Variants in CCDC59 observed in about 807,000 individuals in gnomAD.
CCDC59 encodes thyroid transcription factor 1-associated protein 26.
CCDC59 carries 27 observed loss-of-function variants against 30.5 expected under a neutral mutation model. The ratio of observed to expected loss-of-function variants is 0.89; its 90% CI spans 0.65 to 1.22. CCDC59 has a LOEUF of 1.22. Ranked by LOEUF, CCDC59 falls within the 50% of genes most tolerant of loss-of-function variation. The pLI is 0.00. For synonymous variants in CCDC59, 125 were observed against 100.9 expected (o/e 1.24, Z -1.43); for missense variants, 362 against 284.4 (o/e 1.27, Z -1.96).
At position 82,358,360 on chromosome 12, in the gene CCDC59, C is replaced by G; in HGVS notation, c.17G>C (p.Arg6Pro). 1 of 1,613,660 alleles carries G rather than the reference C, an allele frequency of 6.2e-7. No homozygotes were observed. The highest frequency in any genetic ancestry group is 1.1e-5 in the South Asian group (1 of 91,086). Reference protein sequence around the residue: MAPVRRSAKWRPGGIE... With the variant: MAPVRPSAKWRPGGIE... ...ACCACCAGGCCGCCACTTCGCGGACCGCCTCACCGGCGCCATTGCAGCCGA... is the reference window on the plus strand; with the variant it reads ...ACCACCAGGCCGCCACTTCGCGGACGGCCTCACCGGCGCCATTGCAGCCGA... Residue 6 changes from arginine (R) to proline (P), a missense_variant, in exon 1 of 4, where the codon CGG (arginine) becomes CCG (proline). Coordinates refer to ENST00000256151, the MANE Select transcript of CCDC59 (RefSeq NM_014167.5).
At chr12:82,357,709 GTGTATGGT>G (rs1240605488) in intron 1 of CCDC59, among the ~76,000 whole-genome samples, 1 of 152,208 alleles carries the variant, frequency 6.6e-6, no homozygotes, top group Non-Finnish European at 1.5e-5. Context: ...GAAAAAGACA[GTGTATGGT>G]TGTCTGAAAA....
intron 2 of CCDC59, 93 bp downstream of exon 2, chr12:82,356,867 T>A (rs1363598062): frequency 2.0e-6 from 2 of 1,022,990 alleles, no homozygotes; most frequent in Non-Finnish European, 1.4e-6. Context: ...ATGTGTTAAA[T>A]AAGAAAAAAT....
At chr12:82,356,646 C>A (rs988916308) in intron 2 of CCDC59, among the ~76,000 whole-genome samples, 1 of 152,152 alleles carries the variant, frequency 6.6e-6, no homozygotes, top group South Asian at 2.1e-4. Context: ...AATTATAACA[C>A]CTCTCAGAAG....
At position 82,353,188 on chromosome 12, in the gene CCDC59, A is replaced by T. The variant is rs771051456; in HGVS notation, c.689T>A (p.Met230Lys). 23 of 1,608,612 alleles carry T rather than the reference A, an allele frequency of 1.4e-5. No homozygotes were observed. Among genetic ancestry groups the T allele is most frequent in the Non-Finnish European group, 1.9e-5 (22 of 1,178,782 alleles). Residue 230 changes from methionine (M) to lysine (K), a missense_variant, in exon 4 of 4, where the codon ATG becomes AAG. Coordinates refer to ENST00000256151, the MANE Select transcript of CCDC59 (RefSeq NM_014167.5). ...TTGTATTTTTTGAAGAAGGTACTCC[A>T]TTTGTACATTCAAGTTTGGTTGGCC... ...KKGQPNLNVQ[M>K]EYLLQKIQEK...
chr12:82,358,641 T>A, upstream of CCDC59: 1 of 1,614,066 alleles, frequency 6.2e-7, no homozygotes, highest in South Asian at 1.1e-5. Context: ...ACTGCTGCAG[T>A]TCCTGAGGGA....
At chr12:82,357,313 A>C (rs767444064) in intron 1 of CCDC59, 44 bp from the exon 2 acceptor site, 2 of 1,517,746 alleles carry the variant, frequency 1.3e-6, no homozygotes, top group South Asian at 2.4e-5. Context: ...AGAGAAAAGA[A>C]GTTGAACGAA....
At chr12:82,358,737 G>C (rs755655200), upstream of CCDC59, 11 of 1,614,024 alleles carry the variant, frequency 6.8e-6, no homozygotes, top group East Asian at 4.5e-5. Flanking sequence ...ACCGGAGACA[G>C]TGCTGGCTGC....
upstream of CCDC59, chr12:82,358,658 G>T: frequency 2.5e-6 from 4 of 1,614,178 alleles, no homozygotes; most frequent in South Asian, 1.1e-5. Flanking sequence ...GGGATGCCCT[G>T]TCCATTTCCA....
In CCDC59 at chr12:82,357,115, T is replaced by A. The variant is rs757409948; in HGVS notation, c.309A>T (p.Arg103Ser). Residue 103 changes from arginine (R) to serine (S), a missense_variant, in exon 2 of 4, where the codon AGA (arginine) becomes AGT (serine). Physicochemically the swap from Arg to Ser is moderately radical, Grantham distance 110. Transcript: ENST00000256151. ...CGACTTTTCTTGCTTGCTTCCTATGTCTTTCCTCTTCAGCTAAATAGAGAT... is the reference window on the plus strand; with the variant it reads ...CGACTTTTCTTGCTTGCTTCCTATGACTTTCCTCTTCAGCTAAATAGAGAT... Reference protein sequence around the residue: ...LKHLYLAEEERHRKQARKVDH... With the variant: ...LKHLYLAEEESHRKQARKVDH... The A allele has an allele frequency of 6.2e-7, 1 of 1,614,228 alleles. No homozygotes were observed. The highest frequency in any genetic ancestry group is 1.7e-5 in the Admixed American group (1 of 60,024).
chr12:82,356,845 G>C (rs3751332), intron 2 of CCDC59, 115 bp downstream of exon 2: 2 of 801,692 alleles, frequency 2.5e-6, no homozygotes, highest in African/African-American at 3.5e-5. Context: ...TAATTAAACC[G>C]TGACTTCTAA....
intron 3 of CCDC59, among the ~76,000 whole-genome samples, chr12:82,353,802 T>G (rs1487402374): frequency 6.6e-6 from 1 of 152,116 alleles, no homozygotes; most frequent in African/African-American, 2.4e-5. Flanking sequence ...AAATTACATA[T>G]CTTTAGGGTA....
chr12:82,358,658 G>C (rs1467815108), upstream of CCDC59: 2 of 1,614,178 alleles, frequency 1.2e-6, no homozygotes, highest in Admixed American at 3.3e-5. Context: ...GGGATGCCCT[G>C]TCCATTTCCA....
rs142509803 is a variant in CCDC59 at position 82,357,660 on chromosome 12, G to C, written c.155-391C>G. Among the ~76,000 whole-genome samples the C allele has an allele frequency of 4.5e-4, 69 of 152,196 alleles. 1 individual carries two copies. In the East Asian group the frequency reaches 8.3e-3, roughly 18 times the overall value. On this transcript the variant is annotated intron_variant, in intron 1 of 3. Transcript: ENST00000256151. ...AAGAAAATGCCACATCTAGTATCTT[G>C]GACAAACTACATGTTTTCGAAAATG...
intron 1 of CCDC59, among the ~76,000 whole-genome samples, 182 bp downstream of exon 1, chr12:82,358,041 C>G (rs1369787282): frequency 6.6e-6 from 1 of 152,214 alleles, no homozygotes; most frequent in Non-Finnish European, 1.5e-5. Flanking sequence ...AATAGCAACA[C>G]TGCTCCGTCT....
At chr12:82,354,175 A>G (rs1468960614) in intron 3 of CCDC59, among the ~76,000 whole-genome samples, 1 of 152,112 alleles carries the variant, frequency 6.6e-6, no homozygotes, top group African/African-American at 2.4e-5. Flanking sequence ...TCATACATAA[A>G]AATCTTTTGA....
chr12:82,358,200 C>T, intron 1 of CCDC59, 23 bp downstream of exon 1: 1 of 1,613,950 alleles, frequency 6.2e-7, no homozygotes, highest in South Asian at 1.1e-5. Context: ...TGAGGATTTG[C>T]AAATGGTTGC....
Position 82,353,288 on chromosome 12 carries a change from TCTC to T in CCDC59, c.586_588del (p.Glu196del), listed in dbSNP as rs1231580666. On this transcript the variant is annotated inframe_deletion, in exon 4 of 4. Coordinates refer to ENST00000256151, the MANE Select transcript of CCDC59 (RefSeq NM_014167.5). ...TTGTACTGCCTTTGGGCTTCTTCTC[TCTC>T]CTGTTTTCTCCTCTCGAATTCCTAA... 3.7e-6 allele frequency: 6 copies of T among 1,601,836 alleles called. No individual in the cohort carries two copies. The East Asian group carries it at 8.9e-5, about 24-fold the overall frequency.
rs971891816 is a variant in CCDC59, at chr12:82,357,000, C to A, written c.424G>T (p.Asp142Tyr). 1 of 1,613,492 alleles carries A rather than the reference C, an allele frequency of 6.2e-7. No individual in the cohort carries two copies. Among genetic ancestry groups the A allele is most frequent in the African/African-American group, 1.3e-5 (1 of 74,930 alleles). The change falls in exon 2 of 4, where the codon GAC becomes TAC. Residue 142 changes from aspartate (D) to tyrosine (Y), a missense_variant. By Grantham distance (160) the Asp-to-Tyr change is radical. Transcript: ENST00000256151. The stretch of plus-strand genomic sequence containing the variant: ...CATTGTTCTTCTGGCTGAGGCTGGT[C>A]AAAGCTACACTGATCTTCAAATAAA... ...EPLFEDQCSFDQPQPEEQCIK... is the reference protein window; with the variant it reads ...EPLFEDQCSFYQPQPEEQCIK...
intron 2 of CCDC59, 157 bp downstream of exon 2, chr12:82,356,803 C>T (rs1243984235): frequency 5.1e-6 from 3 of 582,646 alleles, no homozygotes; most frequent in African/African-American, 3.7e-5. Flanking sequence ...GTTATTGAAG[C>T]TAAAAATAGA....
Sources: allele counts gnomAD v4.1 joint callset (sites outside exome capture counted in the v4.1 genomes callset), GRCh38; gene constraint gnomAD v4.1.1; transcripts MANE v1.5; gene names NCBI Gene and HGNC (gene_info 2026-07-23, HGNC 2026-07-21).